Variants in ARHGAP24 observed in about 807,000 individuals in gnomAD.
The protein encoded by ARHGAP24 is Rho GTPase activating protein 24.
A neutral mutation model predicts 76.4 loss-of-function variants in ARHGAP24; 50 were observed. The ratio of observed to expected loss-of-function variants is 0.65; its 90% CI spans 0.52 to 0.83. ARHGAP24 has a LOEUF of 0.83. ARHGAP24 is among the 40% of genes least tolerant of loss of function. The probability of loss-of-function intolerance (pLI) is 0.00; values close to 1 mark genes in which losing one functional copy is unlikely to be tolerated. For missense variants in ARHGAP24, 930 were observed against 914.2 expected (o/e 1.02, Z -0.22); for synonymous variants, 345 against 323.3 (o/e 1.07, Z -0.72).
At position 85,572,647 on chromosome 4, in the gene ARHGAP24, A is replaced by G. The variant is rs184041788; in HGVS notation, c.180+1926A>G. ...TTTCCAAGATAAATAGTATTTTTAC[A>G]TTAGCATGTTACTAGTATTACTAGT... On this transcript the variant is annotated intron_variant, in intron 2 of 9. Transcript: ENST00000395184. Among the ~76,000 whole-genome samples the G allele has an allele frequency of 3.6e-3, 542 of 152,276 alleles. 2 individuals carry two copies. The highest frequency in any genetic ancestry group is 2.8e-3 in the Non-Finnish European group (188 of 68,014).
At chr4:85,505,877 T>A (rs1333198279) in intron 1 of ARHGAP24, among the ~76,000 whole-genome samples, 1 of 152,174 alleles carries the variant, frequency 6.6e-6, no homozygotes, top group Non-Finnish European at 1.5e-5. Context: ...CTTTGGTCTT[T>A]GATGTTGGTG....
At chr4:85,936,598 A>T (rs1025935512) in intron 4 of ARHGAP24, among the ~76,000 whole-genome samples, 1 of 152,168 alleles carries the variant, frequency 6.6e-6, no homozygotes, top group Non-Finnish European at 1.5e-5. Context: ...TTATTTCATT[A>T]TAATAAATGT....
chr4:85,606,430 G>T (rs142040737), intron 2 of ARHGAP24, among the ~76,000 whole-genome samples: 2 of 151,768 alleles, frequency 1.3e-5, no homozygotes, highest in African/African-American at 4.8e-5. Flanking sequence ...GGAGAATGGC[G>T]TGAACTCAGG....
intron 2 of ARHGAP24, among the ~76,000 whole-genome samples, chr4:85,653,595 T>G (rs2109983645): frequency 6.6e-6 from 1 of 152,238 alleles, no homozygotes; most frequent in South Asian, 2.1e-4. Flanking sequence ...TTTCTCAGCC[T>G]CCTGAGTAGC....
intron 1 of ARHGAP24, among the ~76,000 whole-genome samples, chr4:85,497,558 A>G (rs1723627723): frequency 1.3e-5 from 2 of 152,078 alleles, no homozygotes; most frequent in Admixed American, 6.6e-5. Context: ...ACAGTGGCTC[A>G]TGCCTGTAAT....
intron 2 of ARHGAP24, among the ~76,000 whole-genome samples, chr4:85,689,883 A>G (rs1723564989): frequency 6.6e-6 from 1 of 152,178 alleles, no homozygotes; most frequent in South Asian, 2.1e-4. Flanking sequence ...TAGTCTGTGT[A>G]GGACTTACAG....
intron 2 of ARHGAP24, among the ~76,000 whole-genome samples, chr4:85,598,976 AACTT>A (rs1203413282): frequency 3.6e-4 from 54 of 151,682 alleles, no homozygotes; most frequent in Non-Finnish European, 4.4e-5. Context: ...ATTTATATAA[AACTT>A]AATAAGATAT....
intron 3 of ARHGAP24, among the ~76,000 whole-genome samples, chr4:85,740,496 A>G (rs945727219): frequency 4.6e-5 from 7 of 151,594 alleles, no homozygotes; most frequent in Non-Finnish European, 8.8e-5. Flanking sequence ...GGGGTGAGTC[A>G]CCCCACCCAG....
At chr4:85,753,192 A>G (rs1427099724) in intron 3 of ARHGAP24, among the ~76,000 whole-genome samples, 1 of 152,206 alleles carries the variant, frequency 6.6e-6, no homozygotes, top group Non-Finnish European at 1.5e-5. Flanking sequence ...CCATTCGAGA[A>G]TGAAAAATAC....
chr4:85,542,105 C>T (rs1219420449), intron 1 of ARHGAP24, among the ~76,000 whole-genome samples: 1 of 152,168 alleles, frequency 6.6e-6, no homozygotes, highest in African/African-American at 2.4e-5. Context: ...CAGCATGCGT[C>T]AGTCACCAGT....
intron 2 of ARHGAP24, among the ~76,000 whole-genome samples, chr4:85,571,282 G>C (rs1174784646): frequency 1.3e-5 from 2 of 152,142 alleles, no homozygotes; most frequent in Admixed American, 1.3e-4. Flanking sequence ...GTTCCTTAGT[G>C]GTTCTTTATT....
intron 2 of ARHGAP24, among the ~76,000 whole-genome samples, chr4:85,576,884 T>G (rs1387819953): frequency 6.6e-6 from 1 of 152,084 alleles, no homozygotes; most frequent in East Asian, 1.9e-4. Flanking sequence ...ATATAGTTAC[T>G]AATTCGGATA....
At chr4:85,762,906 A>G (rs1486095840) in intron 3 of ARHGAP24, among the ~76,000 whole-genome samples, 2 of 152,234 alleles carry the variant, frequency 1.3e-5, no homozygotes, top group Admixed American at 6.5e-5. Flanking sequence ...ACAAGATGAC[A>G]GGGTATAAAA....
At chr4:85,906,853 G>C (rs576569406) in intron 3 of ARHGAP24, among the ~76,000 whole-genome samples, 1 of 152,204 alleles carries the variant, frequency 6.6e-6, no homozygotes, top group East Asian at 1.9e-4. Context: ...TTAAACAGGA[G>C]CTCATATCTT....
chr4:85,982,365 A>G (rs1029456047), intron 8 of ARHGAP24, among the ~76,000 whole-genome samples: 14 of 47,320 alleles, frequency 3.0e-4, no homozygotes, highest in Non-Finnish European at 4.3e-4. Context: ...GCACAAGTAG[A>G]TAAGTTGTTT....
At chr4:85,800,443 G>C (rs931698894) in intron 3 of ARHGAP24, among the ~76,000 whole-genome samples, 2 of 151,762 alleles carry the variant, frequency 1.3e-5, no homozygotes, top group African/African-American at 4.8e-5. Flanking sequence ...GGCCCAAATG[G>C]TAAAATAGCA....
At chr4:85,483,433 G>A (rs376490164) in intron 1 of ARHGAP24, among the ~76,000 whole-genome samples, 5 of 152,040 alleles carry the variant, frequency 3.3e-5, no homozygotes, top group African/African-American at 4.8e-5. Context: ...TCAACATGGC[G>A]AAACTCCGTC....
intron 3 of ARHGAP24, among the ~76,000 whole-genome samples, chr4:85,756,820 A>G (rs1470528723): frequency 6.6e-6 from 1 of 152,182 alleles, no homozygotes; most frequent in East Asian, 1.9e-4. Context: ...TCTGCAGTAT[A>G]ATTCCAAAGC....
In ARHGAP24 at chr4:85,763,123, G is replaced by T. The variant is rs370767383; in HGVS notation, c.268+41151G>T. On this transcript the variant is annotated intron_variant, in intron 3 of 9. Transcript: ENST00000395184. ...TGCCTGATTCTTATATTTTATAGTT[G>T]CAGGAAGCTACTATTCGAAGTGAAA... Among the ~76,000 whole-genome samples the T allele has an allele frequency of 1.2e-4, 18 of 152,120 alleles. No individual in the cohort carries two copies. In the East Asian group the frequency reaches 3.3e-3, roughly 28 times the overall value.
Sources: allele counts gnomAD v4.1 joint callset (sites outside exome capture counted in the v4.1 genomes callset), GRCh38; gene constraint gnomAD v4.1.1; transcripts MANE v1.5; gene names NCBI Gene and HGNC (gene_info 2026-07-23, HGNC 2026-07-21).